The following RPS6KA2 variants were observed in gnomAD, a reference collection of about 807,000 sequenced individuals.
The protein encoded by RPS6KA2 is ribosomal protein S6 kinase alpha-2.
RPS6KA2 carries 42 observed loss-of-function variants against 91.8 expected under a neutral mutation model. That is an observed-to-expected ratio of 0.46 (90% CI 0.36 to 0.59). The LOEUF is 0.59. Among genes scored for constraint, RPS6KA2 ranks in the 20% least tolerant of loss-of-function variants. The pLI is 0.00. For synonymous variants in RPS6KA2, 414 were observed against 393.6 expected (o/e 1.05, Z -0.61); for missense variants, 798 against 978.5 (o/e 0.82, Z 2.46).
intron 2 of RPS6KA2, among the ~76,000 whole-genome samples, chr6:166,762,739 C>T (rs1235271177): frequency 6.6e-6 from 1 of 152,158 alleles, no homozygotes; most frequent in East Asian, 1.9e-4. Flanking sequence ...CAGGAAACGA[C>T]CTTCACTTCT....
exon 1 of RPS6KA2, chr6:166,862,435 G>A: frequency 1.5e-6 from 2 of 1,291,348 alleles, no homozygotes; most frequent in Non-Finnish European, 2.0e-6. Context: ...AGGGCTCTGG[G>A]GAGCTGCTGC....
At chr6:166,627,646 T>TCGGCCCGGGACAGCTCC (rs1377965172), upstream of RPS6KA2, 6 of 152,304 alleles carry the variant, frequency 3.9e-5, no homozygotes, top group South Asian at 2.1e-4. Flanking sequence ...CTAATGAGCC[T>TCGGCCCGGGACAGCTCC]CGGCCCGGGA....
chr6:166,576,777 AGCCGGTT>A (rs1289671919), intron 1 of RPS6KA2, among the ~76,000 whole-genome samples: 1 of 152,220 alleles, frequency 6.6e-6, no homozygotes, highest in African/African-American at 2.4e-5. Context: ...GGGAAATTCA[AGCCGGTT>A]GAGGAAATTT....
rs1047137375 is a variant in RPS6KA2, at chr6:166,858,982, C to A, written c.64-723G>T. ...GGAGAGCTCCACGGAAGAACACCAG[C>A]CAGCCATCAGCACCGGCTGCCATGC... On this transcript the variant is annotated intron_variant, in intron 1 of 21. Coordinates refer to the RPS6KA2 transcript ENST00000503859. 2.7e-5 allele frequency among the ~76,000 whole-genome samples: 4 copies of A among 146,528 alleles called. No individual in the cohort carries two copies. The Admixed American group carries it at 2.8e-4, about 10-fold the overall frequency.
chr6:166,795,175 A>C (rs937980211), intron 2 of RPS6KA2, among the ~76,000 whole-genome samples: 1 of 152,218 alleles, frequency 6.6e-6, no homozygotes, highest in Non-Finnish European at 1.5e-5. Context: ...AATAAAGCAA[A>C]ACCTGGACCC....
In RPS6KA2 at chr6:166,852,734, C is replaced by T. The variant is rs1450757058; in HGVS notation, c.123+5466G>A. 1.3e-5 allele frequency among the ~76,000 whole-genome samples: 2 copies of T among 152,122 alleles called. No homozygotes were observed. Among genetic ancestry groups the T allele is most frequent in the Non-Finnish European group, 2.9e-5 (2 of 67,996 alleles). On this transcript the variant is annotated intron_variant, in intron 2 of 21. Coordinates refer to the RPS6KA2 transcript ENST00000503859. The surrounding 1 kb of genome is among the most constrained non-coding windows in gnomAD (Gnocchi z 4.1). ...ACACGCTCAGGAGCTCATCCCTGAG[C>T]GCCCACAGGCCCCTGGATGTCCCTG...
At chr6:166,779,643 G>A (rs746600433) in intron 2 of RPS6KA2, among the ~76,000 whole-genome samples, 2 of 152,170 alleles carry the variant, frequency 1.3e-5, no homozygotes, top group South Asian at 2.1e-4. Flanking sequence ...CCCACATCCC[G>A]TCCACAGAGC....
chr6:166,413,905 C>T lies in RPS6KA2; in HGVS notation c.1965G>A (p.Val655=), dbSNP rs759504949. 6.2e-7 allele frequency: 1 copy of T among 1,614,086 alleles called. No individual in the cohort carries two copies. Among genetic ancestry groups the T allele is most frequent in the Non-Finnish European group, 8.5e-7 (1 of 1,180,008 alleles). ...AKDVVSKMLH[V]DPHQRLTAMQ... ...TCGCCGTCAGGCGCTGATGAGGGTCCACGTGGAGCATCTTGGACACGACGT... is the reference window on the plus strand; with the variant it reads ...TCGCCGTCAGGCGCTGATGAGGGTCTACGTGGAGCATCTTGGACACGACGT... The change falls in exon 20 of 21, where the codon GTG becomes GTA. Residue 655 remains valine, a synonymous_variant. Coordinates refer to ENST00000265678, the MANE Select transcript of RPS6KA2 (RefSeq NM_021135.6).
In RPS6KA2 at chr6:166,515,834, A is replaced by G. The variant is rs530034049; in HGVS notation, c.299-5477T>C. Among the ~76,000 whole-genome samples the G allele has an allele frequency of 5.9e-5, 9 of 152,298 alleles. No individual in the cohort carries two copies. The South Asian group carries it at 1.2e-3, about 21-fold the overall frequency. ...TCTATTCAAAGTCACCCCTCTGCTC[A>G]CTGAGATAAATGCAGATCTGATTGC... On this transcript the variant is annotated intron_variant, in intron 3 of 20. Coordinates refer to ENST00000265678, the MANE Select transcript of RPS6KA2 (RefSeq NM_021135.6).
rs569942640 is a variant in RPS6KA2, at chr6:166,437,215, C to T, written c.1333-4725G>A. ...CTGTTTAGGAGCACCAGGGAGTGGG[C>T]CCCAAGTGCCTGCCAGCGCACTTCT... On this transcript the variant is annotated intron_variant, in intron 14 of 20. Transcript: ENST00000265678. The surrounding 1 kb of genome is among the most constrained non-coding windows in gnomAD (Gnocchi z 4.3). Among the ~76,000 whole-genome samples the T allele has an allele frequency of 6.6e-6, 1 of 152,000 alleles. No homozygotes were observed. Among genetic ancestry groups the T allele is most frequent in the Non-Finnish European group, 1.5e-5 (1 of 68,016 alleles).
chr6:166,685,106 C>T (rs530890023), intron 2 of RPS6KA2, among the ~76,000 whole-genome samples: 1 of 152,304 alleles, frequency 6.6e-6, no homozygotes, highest in South Asian at 2.1e-4. Context: ...ATCCAGTGGG[C>T]GGAGCTCAGC....
intron 15 of RPS6KA2, among the ~76,000 whole-genome samples, chr6:166,430,989 A>T (rs1486839856): frequency 6.6e-6 from 1 of 152,060 alleles, no homozygotes; most frequent in African/African-American, 2.4e-5. Context: ...CAGTGGCGCC[A>T]TCTCAGCTCA....
intron 13 of RPS6KA2, among the ~76,000 whole-genome samples, chr6:166,449,870 C>T (rs113505350): frequency 1.0e-3 from 72 of 72,070 alleles, no homozygotes; most frequent in Middle Eastern, 8.8e-3. Context: ...TGGGAACCAC[C>T]ACGCGGACCA....
intron 2 of RPS6KA2, among the ~76,000 whole-genome samples, chr6:166,800,067 G>C (rs1779325959): frequency 6.6e-6 from 1 of 152,038 alleles, no homozygotes; most frequent in African/African-American, 2.4e-5. Context: ...TTTTGTTTCT[G>C]GCAGTCTCCA....
intron 2 of RPS6KA2, among the ~76,000 whole-genome samples, chr6:166,660,387 GGCAT>G (rs2128557342): frequency 1.1e-5 from 1 of 87,264 alleles, no homozygotes; most frequent in East Asian, 4.4e-4. Context: ...CATGTGTATG[GGCAT>G]GCGTGCGTGT....
intron 1 of RPS6KA2, among the ~76,000 whole-genome samples, chr6:166,553,694 T>C (rs1464455833): frequency 2.0e-5 from 3 of 152,016 alleles, no homozygotes; most frequent in Non-Finnish European, 2.9e-5. Context: ...GTGCGGCTCA[T>C]CCCATTGTTA....
chr6:166,583,071 G>T (rs974653199), intron 1 of RPS6KA2, among the ~76,000 whole-genome samples: 1 of 152,042 alleles, frequency 6.6e-6, no homozygotes, highest in Admixed American at 6.5e-5. Flanking sequence ...GCATATACAC[G>T]ATAATTATTT....
In RPS6KA2 at chr6:166,765,073, G is replaced by A. The variant is rs573244135; in HGVS notation, c.123+93127C>T. Reference sequence around the variant, plus strand: ...GCTTTCTCCTCCCTGCCAGCTCCAGGGCAGGTGGCAGGAGGAACAGCCACC... The same window carrying A: ...GCTTTCTCCTCCCTGCCAGCTCCAGAGCAGGTGGCAGGAGGAACAGCCACC... On this transcript the variant is annotated intron_variant, in intron 2 of 21. Transcript: ENST00000503859. Among the ~76,000 whole-genome samples the A allele has an allele frequency of 9.8e-5, 13 of 133,174 alleles. 2 individuals carry two copies. In the South Asian group the frequency reaches 3.1e-3, roughly 32 times the overall value. The allele number at this position is 133,174 out of a possible 152,430, so 87.4% of individuals were successfully genotyped here. A position where few individuals can be genotyped will look rare whatever the true frequency, so the allele number is the denominator to read the frequency against.
intron 2 of RPS6KA2, among the ~76,000 whole-genome samples, chr6:166,667,999 T>G (rs1245872325): frequency 6.6e-6 from 1 of 152,088 alleles, no homozygotes; most frequent in East Asian, 1.9e-4. Flanking sequence ...CGGGAGCTCA[T>G]GAGATGTTTG....
Sources: allele counts gnomAD v4.1 joint callset (sites outside exome capture counted in the v4.1 genomes callset), GRCh38; gene constraint gnomAD v4.1.1; non-coding constraint Gnocchi (gnomAD v3.1); transcripts MANE v1.5; gene names NCBI Gene and HGNC (gene_info 2026-07-23, HGNC 2026-07-21).